Variants in PGM2 observed in about 807,000 individuals in gnomAD.
The protein encoded by PGM2 is phosphoglucomutase 2, also known as phosphopentomutase.
In PGM2, 57 loss-of-function variants were observed where a neutral mutation model predicts 74.6. The observed-to-expected ratio is 0.76, with a 90% CI of 0.62 to 0.95. PGM2 has a LOEUF of 0.95. Ranked by LOEUF, PGM2 falls within the 40% of genes least tolerant of loss-of-function variation. The pLI, the probability that PGM2 is intolerant of heterozygous loss-of-function variation, is 0.00. For missense variants in PGM2, 706 were observed against 741.9 expected (o/e 0.95, Z 0.56); for synonymous variants, 273 against 260.7 (o/e 1.05, Z -0.46).
Position 37,841,072 on chromosome 4 carries a change from G to GTGTATATATATATATA in PGM2, c.719+814_719+815insGTATATATATATATAT, listed in dbSNP as rs1236735442. Among the ~76,000 whole-genome samples, 28 of 113,790 alleles carry GTGTATATATATATATA rather than the reference G, an allele frequency of 2.5e-4. 1 individual carries two copies. The highest frequency in any genetic ancestry group is 6.6e-4 in the South Asian group (2 of 3,020). The allele number at this position is 113,790 out of a possible 152,430, so 74.7% of individuals were successfully genotyped here. ...AAAAATTTTCTGTGCATATGCAAGC[G>GTGTATATATATATATA]TATATATATATATATATATATATAT... On this transcript the variant is annotated intron_variant, in intron 6 of 13. Transcript: ENST00000381967.
rs1725302740 is a variant in PGM2, at chr4:37,826,783, G to A, written c.51G>A (p.Gln17=). 1.3e-6 allele frequency: 2 copies of A among 1,549,434 alleles called. No individual in the cohort carries two copies. Among genetic ancestry groups the A allele is most frequent in the Non-Finnish European group, 8.7e-7 (1 of 1,146,236 alleles). The change falls in exon 1 of 14, where the codon CAG becomes CAA. Residue 17 remains glutamine, a synonymous_variant. Coordinates refer to ENST00000381967, the MANE Select transcript of PGM2 (RefSeq NM_018290.4). The part of the protein sequence containing the change: ...SGLGEDARLD[Q]ETAQWLRWDK... ...TAGGCGAGGACGCCCGGCTGGACCA[G>A]GAGACCGCCCAGTGGCTGCGCTGGG...
rs34587864 is a variant in PGM2 at position 37,849,404 on chromosome 4, CTTT to C, written c.1413-756_1413-754del. Among the ~76,000 whole-genome samples the C allele has an allele frequency of 6.5e-3, 411 of 62,868 alleles. 2 individuals carry two copies. Among genetic ancestry groups the C allele is most frequent in the African/African-American group, 0.023 (388 of 16,648 alleles). 41.2% of individuals were successfully genotyped at this position (62,868 alleles called of 152,430 possible). A position where few individuals can be genotyped will look rare whatever the true frequency, so the allele number is the denominator to read the frequency against. Reference sequence around the variant, plus strand: ...ATCCCTGGGGTAGATTGTTGGACCTCTTTTTTTTTTTTTTTTTTTTTTTTTTGA... The same window carrying C: ...ATCCCTGGGGTAGATTGTTGGACCTCTTTTTTTTTTTTTTTTTTTTTTTGA... On this transcript the variant is annotated intron_variant, in intron 11 of 13. Transcript: ENST00000381967.
chr4:37,848,436 C>A, intron 10 of PGM2, 86 bp from the exon 11 acceptor site: 2 of 1,196,330 alleles, frequency 1.7e-6, no homozygotes, highest in Non-Finnish European at 1.2e-6. Flanking sequence ...ACTGTACAAC[C>A]TCTAATATGC....
intron 13 of PGM2, among the ~76,000 whole-genome samples, 191 bp downstream of exon 13, chr4:37,855,932 TCTTA>T (rs1464603230): frequency 1.3e-5 from 2 of 152,256 alleles, no homozygotes; most frequent in Non-Finnish European, 1.5e-5. Flanking sequence ...CTTTTTACTT[TCTTA>T]CTTTTGTCCT....
chr4:37,846,935 G>A lies in PGM2; in HGVS notation c.1012G>A (p.Glu338Lys), dbSNP rs775973803. The A allele has an allele frequency of 1.2e-5, 19 of 1,602,438 alleles. No individual in the cohort carries two copies. In the East Asian group the frequency reaches 3.6e-4, roughly 30 times the overall value. Residue 338 changes from glutamate (E) to lysine (K), a missense_variant, in exon 9 of 14, where the codon GAA becomes AAA. This residue lies in a region of PGM2 where 359 missense variants were observed against 371.1 expected (regional missense o/e 0.97). Transcript: ENST00000381967. Reference sequence around the variant, plus strand: ...GTTGTTTTTTTTTTCTTTCAGTGGTGAATGGAGGGTGTTTTCAGGCAATGA... The same window carrying A: ...GTTGTTTTTTTTTTCTTTCAGTGGTAAATGGAGGGTGTTTTCAGGCAATGA... Reference protein sequence around the residue: ...LAVAEKQDSGEWRVFSGNELG... With the variant: ...LAVAEKQDSGKWRVFSGNELG...
At chr4:37,851,501 G>A (rs1726038985) in intron 12 of PGM2, among the ~76,000 whole-genome samples, 3 of 152,156 alleles carry the variant, frequency 2.0e-5, no homozygotes, top group Admixed American at 6.5e-5. Flanking sequence ...GGTTGGGGGA[G>A]GAAAGTTAAG....
At chr4:37,854,517 A>G (rs1214835212) in intron 12 of PGM2, among the ~76,000 whole-genome samples, 1 of 151,970 alleles carries the variant, frequency 6.6e-6, no homozygotes, top group African/African-American at 2.4e-5. Flanking sequence ...TGCCTGGCTA[A>G]TTTTTGTATT....
At chr4:37,841,190 T>TGTGTGTGTGCGTGCGTG (rs1491511171) in intron 6 of PGM2, among the ~76,000 whole-genome samples, 1 of 83,420 alleles carries the variant, frequency 1.2e-5, no homozygotes, top group African/African-American at 3.9e-5. Context: ...GTGTGTGTGG[T>TGTGTGTGTGCGTGCGTG]TTGTTCTGTG....
intron 6 of PGM2, among the ~76,000 whole-genome samples, chr4:37,840,958 G>GTA (rs1311508721): frequency 3.3e-5 from 3 of 92,288 alleles, no homozygotes; most frequent in Non-Finnish European, 8.2e-5. Flanking sequence ...GTGTGTGTGT[G>GTA]TGTGTGTATA....
intron 13 of PGM2, among the ~76,000 whole-genome samples, chr4:37,856,540 G>T (rs1350158491): frequency 6.6e-6 from 1 of 151,892 alleles, no homozygotes; most frequent in Non-Finnish European, 1.5e-5. Flanking sequence ...TGATGGGCTG[G>T]TAGCTTCAGG....
intron 2 of PGM2, among the ~76,000 whole-genome samples, chr4:37,830,352 A>G (rs1286171473): frequency 6.6e-6 from 1 of 152,184 alleles, no homozygotes; most frequent in Non-Finnish European, 1.5e-5. Flanking sequence ...TTCATTTAAC[A>G]CACTTATTGA....
chr4:37,850,274 T>A lies in PGM2; in HGVS notation c.1503T>A (p.Asp501Glu). ...KKLFENLRNY[D>E]GKNNYPKACG... ...TATTTGAAAACCTCAGAAACTACGATGGAAAAAATAATTATCCAAAAGCTT... is the reference window on the plus strand; with the variant it reads ...TATTTGAAAACCTCAGAAACTACGAAGGAAAAAATAATTATCCAAAAGCTT... The change falls in exon 12 of 14, where the codon GAT becomes GAA. Residue 501 changes from aspartate (D) to glutamate (E), a missense_variant. Coordinates refer to ENST00000381967, the MANE Select transcript of PGM2 (RefSeq NM_018290.4). 1 of 1,588,880 alleles carries A rather than the reference T, an allele frequency of 6.3e-7. No homozygotes were observed. The highest frequency in any genetic ancestry group is 8.5e-7 in the Non-Finnish European group (1 of 1,171,548).
chr4:37,827,054 C>A (rs1467410593), intron 1 of PGM2, among the ~76,000 whole-genome samples: 1 of 152,254 alleles, frequency 6.6e-6, no homozygotes, highest in Non-Finnish European at 1.5e-5. Flanking sequence ...TCCGGCCGGC[C>A]GGACTGCAAG....
At chr4:37,844,229 G>A in intron 6 of PGM2, 135 bp from the exon 7 acceptor site, 1 of 577,682 alleles carries the variant, frequency 1.7e-6, no homozygotes. Flanking sequence ...ATATCTGGGA[G>A]AGAATGGATA....
chr4:37,827,564 A>G (rs1244238150), intron 1 of PGM2, among the ~76,000 whole-genome samples: 2 of 151,248 alleles, frequency 1.3e-5, no homozygotes, highest in African/African-American at 2.5e-5. Flanking sequence ...TGTGACTCAT[A>G]TTTTGTGCCT....
In PGM2 at chr4:37,862,472, T is replaced by C. The variant is rs974926153; in HGVS notation, c.*860T>C. ...TCTCTTGTTCTTGTGTGGTCTGAAA[T>C]CTAAAACTAGACTTTATTATGATAG... is the stretch of plus-strand genomic sequence containing the variant. On this transcript the variant is annotated 3_prime_UTR_variant, in exon 14 of 14. Coordinates refer to ENST00000381967, the MANE Select transcript of PGM2 (RefSeq NM_018290.4). 6.6e-6 allele frequency: 1 copy of C among 152,142 alleles called. No individual in the cohort carries two copies. The highest frequency in any genetic ancestry group is 2.4e-5 in the African/African-American group (1 of 41,450). The allele number at this position is 152,142 out of a possible 1,614,324, so 9.4% of individuals were successfully genotyped here.
chr4:37,846,918 T>C lies in PGM2; in HGVS notation c.1008-13T>C, dbSNP rs1421305721. ...GGAAATGAATGGTGGTTGTTGTTTT[T>C]TTTTTCTTTCAGTGGTGAATGGAGG... On this transcript the variant is annotated splice_polypyrimidine_tract_variant and intron_variant, in intron 8 of 13. Transcript: ENST00000381967. 2 of 1,577,652 alleles carry C rather than the reference T, an allele frequency of 1.3e-6. No individual in the cohort carries two copies. The highest frequency in any genetic ancestry group is 1.7e-6 in the Non-Finnish European group (2 of 1,166,594).
chr4:37,850,660 G>C (rs1032400868), intron 12 of PGM2, among the ~76,000 whole-genome samples: 1 of 151,748 alleles, frequency 6.6e-6, no homozygotes, highest in South Asian at 2.1e-4. Flanking sequence ...AAATTAGCTG[G>C]GCGTGGTAAG....
intron 13 of PGM2, among the ~76,000 whole-genome samples, chr4:37,858,294 C>T (rs10015572): frequency 0.17 from 25,942 of 151,940 alleles, 2,725 homozygotes; most frequent in African/African-American, 0.3. Flanking sequence ...TTAAGCAAGG[C>T]ACCAGCATAC....
Sources: gnomAD v4.1 joint callset for allele counts (sites outside exome capture counted in the v4.1 genomes callset) on GRCh38, gnomAD v4.1.1 for gene constraint, gnomAD v4.1.1 regional missense constraint, MANE v1.5 for transcripts, NCBI Gene and HGNC (gene_info 2026-07-23, HGNC 2026-07-21) for gene names.